FSTL4: variants seen among roughly 807,000 people sequenced by gnomAD.
FSTL4 encodes the protein follistatin-related protein 4.
Under a neutral mutation model 78.2 loss-of-function variants are expected in FSTL4, and 28 were observed. The ratio of observed to expected loss-of-function variants is 0.36; its 90% CI spans 0.27 to 0.49. FSTL4 has a LOEUF of 0.49. Ranked by LOEUF, FSTL4 falls within the 20% of genes least tolerant of loss-of-function variation. FSTL4 has a pLI of 0.98. For synonymous variants in FSTL4, 422 were observed against 440.5 expected (o/e 0.96, Z 0.53); for missense variants, 922 against 1,084.9 (o/e 0.85, Z 2.11).
intron 6 of FSTL4, among the ~76,000 whole-genome samples, chr5:133,251,016 G>A (rs1360882853): frequency 6.6e-6 from 1 of 152,230 alleles, no homozygotes; most frequent in Non-Finnish European, 1.5e-5. Context: ...TGAGCACCCA[G>A]TGATGGATGC....
intron 3 of FSTL4, among the ~76,000 whole-genome samples, chr5:133,539,192 A>C (rs1252479058): frequency 6.6e-6 from 1 of 151,618 alleles, no homozygotes; most frequent in African/African-American, 2.4e-5. Flanking sequence ...AATTCATGTT[A>C]TAAGGATATG....
At chr5:133,777,630 T>C in the FSTL4 span, among the ~76,000 whole-genome samples, 1 of 152,238 alleles carries the variant, frequency 6.6e-6, no homozygotes, top group Non-Finnish European at 1.5e-5. Flanking sequence ...TTAATATTTA[T>C]GGGAGGTTTT....
At chr5:133,609,979 T>C (rs1761056651) in intron 1 of FSTL4, among the ~76,000 whole-genome samples, 1 of 152,194 alleles carries the variant, frequency 6.6e-6, no homozygotes. Flanking sequence ...CTCAAGAAGG[T>C]TGAGTTTGCA....
At chr5:133,419,308 C>T (rs898353033) in intron 3 of FSTL4, among the ~76,000 whole-genome samples, 16 of 152,024 alleles carry the variant, frequency 1.1e-4, no homozygotes, top group Admixed American at 3.3e-4. Flanking sequence ...TTAGTAGAGA[C>T]AGGGTTTCAC....
At chr5:133,757,819 C>G in the FSTL4 span, among the ~76,000 whole-genome samples, 1 of 152,188 alleles carries the variant, frequency 6.6e-6, no homozygotes, top group Non-Finnish European at 1.5e-5. Context: ...GAGGTGGTAA[C>G]TCCACAGATG....
intron 6 of FSTL4, among the ~76,000 whole-genome samples, chr5:133,303,031 C>T (rs759589866): frequency 1.3e-5 from 2 of 152,216 alleles, no homozygotes; most frequent in Non-Finnish European, 2.9e-5. Context: ...CCATAACCAC[C>T]CTGCCAGCTC....
the FSTL4 span, among the ~76,000 whole-genome samples, chr5:133,781,256 T>C: frequency 6.6e-6 from 1 of 152,020 alleles, no homozygotes; most frequent in Non-Finnish European, 1.5e-5. Flanking sequence ...GGTCCAGACA[T>C]CTTGCAACCA....
chr5:133,710,114 C>A, the FSTL4 span, among the ~76,000 whole-genome samples: 1 of 152,156 alleles, frequency 6.6e-6, no homozygotes, highest in Non-Finnish European at 1.5e-5. Context: ...GCCCACTGCA[C>A]GGGAAGATGG....
the FSTL4 span, among the ~76,000 whole-genome samples, chr5:133,788,504 C>T: frequency 3.9e-5 from 6 of 152,230 alleles, no homozygotes; most frequent in East Asian, 3.9e-4. Flanking sequence ...CAACTGGCCA[C>T]GGCCCTGATG....
At chr5:133,583,077 C>G (rs1760467487) in intron 2 of FSTL4, among the ~76,000 whole-genome samples, 2 of 152,192 alleles carry the variant, frequency 1.3e-5, no homozygotes, top group Non-Finnish European at 2.9e-5. Flanking sequence ...GCACCTCCAG[C>G]AGAAGTACAT....
intron 14 of FSTL4, chr5:133,209,733 A>G (rs1467254706): frequency 6.3e-6 from 1 of 158,942 alleles, no homozygotes; most frequent in African/African-American, 2.4e-5. Flanking sequence ...TAGGCAAATT[A>G]TGGAAATTTT....
the FSTL4 span, among the ~76,000 whole-genome samples, chr5:133,658,011 T>A: frequency 1.3e-5 from 2 of 152,112 alleles, no homozygotes; most frequent in Non-Finnish European, 2.9e-5. Context: ...GAATAGGTGT[T>A]GAACTTTCTC....
intron 4 of FSTL4, among the ~76,000 whole-genome samples, chr5:133,320,890 C>T (rs865894135): frequency 2.4e-4 from 37 of 151,720 alleles, no homozygotes; most frequent in Middle Eastern, 6.8e-3. Context: ...GCCTGTGGTC[C>T]CAGCTACTCG....
At chr5:133,518,710 T>G (rs1202513652) in intron 3 of FSTL4, among the ~76,000 whole-genome samples, 1 of 152,256 alleles carries the variant, frequency 6.6e-6, no homozygotes, top group East Asian at 1.9e-4. Context: ...TTGTTTTTCT[T>G]AACCCGTGCA....
chr5:133,794,643 T>C, the FSTL4 span, among the ~76,000 whole-genome samples: 2 of 152,308 alleles, frequency 1.3e-5, no homozygotes, highest in African/African-American at 4.8e-5. Flanking sequence ...ACATAAAACC[T>C]GACAAGCTGC....
intron 6 of FSTL4, among the ~76,000 whole-genome samples, chr5:133,297,779 T>C (rs1753435445): frequency 6.6e-6 from 1 of 152,206 alleles, no homozygotes; most frequent in Non-Finnish European, 1.5e-5. Context: ...GAGGCCTCAC[T>C]GTAGTCCCTC....
intron 5 of FSTL4, among the ~76,000 whole-genome samples, chr5:133,314,291 T>G (rs1320056737): frequency 1.3e-5 from 2 of 152,232 alleles, no homozygotes; most frequent in African/African-American, 4.8e-5. Flanking sequence ...TAGCCAGAGC[T>G]GGGGCCTAGT....
chr5:133,277,182 G>A (rs570935006), intron 6 of FSTL4, among the ~76,000 whole-genome samples: 24 of 152,258 alleles, frequency 1.6e-4, no homozygotes, highest in African/African-American at 5.5e-4. Flanking sequence ...TGGGTGTGGC[G>A]GTGTGCCCCT....
chr5:133,389,399 G>C (rs1225774101), intron 4 of FSTL4, among the ~76,000 whole-genome samples: 1 of 152,128 alleles, frequency 6.6e-6, no homozygotes, highest in Middle Eastern at 3.2e-3. Flanking sequence ...AGCATTCATG[G>C]CTAAACAGTT....
Sources: gnomAD v4.1 joint callset for allele counts (sites outside exome capture counted in the v4.1 genomes callset) on GRCh38, gnomAD v4.1.1 for gene constraint, MANE v1.5 for transcripts, NCBI Gene and HGNC (gene_info 2026-07-23, HGNC 2026-07-21) for gene names.